The following GRTP1 variants were observed in gnomAD, a reference collection of about 807,000 sequenced individuals.
GRTP1 encodes growth hormone-regulated TBC protein 1.
A neutral mutation model predicts 38.1 loss-of-function variants in GRTP1; 56 were observed. That is an observed-to-expected ratio of 1.47 (90% confidence interval 1.19 to 1.84). GRTP1 has a LOEUF of 1.84. Among genes scored for constraint, GRTP1 ranks in the 40% most tolerant of loss-of-function variants. The pLI, the probability that GRTP1 is intolerant of heterozygous loss-of-function variation, is 0.00. For synonymous variants in GRTP1, 217 were observed against 189.5 expected (o/e 1.14, Z -1.19); for missense variants, 506 against 453.9 (o/e 1.11, Z -1.04).
At chr13:113,355,553 C>A in intron 2 of GRTP1, 72 bp from the exon 3 acceptor site, 1 of 1,459,974 alleles carries the variant, frequency 6.8e-7, no homozygotes, top group Non-Finnish European at 9.1e-7. Flanking sequence ...TCCTGCCACA[C>A]TTTCCACTCT....
chr13:113,337,639 C>T (rs2042971787), intron 5 of GRTP1, among the ~76,000 whole-genome samples: 1 of 152,252 alleles, frequency 6.6e-6, no homozygotes, highest in African/African-American at 2.4e-5. Flanking sequence ...CTGAGGCCCA[C>T]AGGTCTGGTG....
intron 3 of GRTP1, 99 bp downstream of exon 3, chr13:113,355,224 G>T: frequency 1.7e-6 from 2 of 1,204,008 alleles, no homozygotes; most frequent in Non-Finnish European, 2.3e-6. Flanking sequence ...AGCAGCAGGC[G>T]CACCGCTCAC....
intron 5 of GRTP1, 74 bp downstream of exon 5, chr13:113,344,789 A>T (rs2043075381): frequency 8.2e-6 from 10 of 1,224,262 alleles, no homozygotes; most frequent in East Asian, 3.7e-5. Flanking sequence ...TTAAATTTTG[A>T]TTTCTCAGCG....
chr13:113,330,215 A>G (rs112747078), intron 5 of GRTP1, among the ~76,000 whole-genome samples: 4,158 of 123,322 alleles, frequency 0.034, 277 homozygotes, highest in African/African-American at 0.12. Flanking sequence ...ATGGGAGCCC[A>G]GGTGCGTGGA....
intron 5 of GRTP1, among the ~76,000 whole-genome samples, chr13:113,331,605 T>C (rs1249868450): frequency 1.3e-5 from 2 of 151,738 alleles, no homozygotes; most frequent in Non-Finnish European, 2.9e-5. Flanking sequence ...GCAGCTCAGG[T>C]TACAGCAAGG....
At chr13:113,357,127 T>C (rs1457495319) in intron 2 of GRTP1, among the ~76,000 whole-genome samples, 2 of 151,408 alleles carry the variant, frequency 1.3e-5, no homozygotes, top group African/African-American at 2.4e-5. Context: ...CTGGCCAACA[T>C]GGTGAAACCC....
intron 5 of GRTP1, among the ~76,000 whole-genome samples, chr13:113,331,683 TCTCA>T (rs768560142): frequency 3.7e-5 from 5 of 135,364 alleles, no homozygotes; most frequent in African/African-American, 5.8e-5. Context: ...TTAGACAGAG[TCTCA>T]CTCTGTCACC....
At chr13:113,333,045 G>A (rs1208573355) in intron 5 of GRTP1, among the ~76,000 whole-genome samples, 2 of 152,322 alleles carry the variant, frequency 1.3e-5, no homozygotes, top group South Asian at 2.1e-4. Context: ...CATTTATCCC[G>A]CCTCTTCTAA....
chr13:113,330,570 G>A (rs1482772194), intron 5 of GRTP1, among the ~76,000 whole-genome samples: 14 of 88,538 alleles, frequency 1.6e-4, no homozygotes, highest in Admixed American at 3.3e-4. Flanking sequence ...GTGCATGGGA[G>A]CCCAGGTGTG....
intron 3 of GRTP1, 176 bp from the exon 4 acceptor site, chr13:113,351,149 G>A: frequency 3.3e-6 from 1 of 301,130 alleles, no homozygotes; most frequent in Non-Finnish European, 4.9e-6. Context: ...GGCCAGGAAG[G>A]AGGGGGTGAT....
intron 5 of GRTP1, among the ~76,000 whole-genome samples, chr13:113,334,799 A>C (rs1489216815): frequency 6.6e-6 from 1 of 152,050 alleles, no homozygotes; most frequent in African/African-American, 2.4e-5. Context: ...TTTCCTCTTT[A>C]ACTTCTGTAA....
chr13:113,360,684 T>G (rs2043479170), intron 2 of GRTP1, among the ~76,000 whole-genome samples: 1 of 152,206 alleles, frequency 6.6e-6, no homozygotes, highest in Admixed American at 6.5e-5. Flanking sequence ...CCCTACTCCC[T>G]GCAGAACAGG....
intron 5 of GRTP1, among the ~76,000 whole-genome samples, chr13:113,334,972 G>A (rs953049167): frequency 1.6e-4 from 25 of 151,910 alleles, no homozygotes; most frequent in African/African-American, 3.9e-4. Flanking sequence ...ACAGGTGCCC[G>A]CCACCACGCC....
chr13:113,330,511 C>A (rs1419465881), intron 5 of GRTP1, among the ~76,000 whole-genome samples: 28 of 122,956 alleles, frequency 2.3e-4, no homozygotes, highest in South Asian at 5.6e-4. Context: ...TGCATGGGAG[C>A]CCAGGTGTGT....
At chr13:113,340,452 C>G (rs1054255153) in intron 5 of GRTP1, among the ~76,000 whole-genome samples, 3 of 151,998 alleles carry the variant, frequency 2.0e-5, no homozygotes, top group African/African-American at 7.2e-5. Context: ...GCACTCCAGC[C>G]TGGGTGACAG....
intron 5 of GRTP1, among the ~76,000 whole-genome samples, chr13:113,336,435 G>A (rs1450389919): frequency 2.0e-5 from 3 of 151,946 alleles, no homozygotes; most frequent in Non-Finnish European, 4.4e-5. Context: ...TGCCCTCGGT[G>A]TGCCGAGCAC....
chr13:113,345,332 T>C (rs1251349865), intron 4 of GRTP1, among the ~76,000 whole-genome samples: 1 of 152,246 alleles, frequency 6.6e-6, no homozygotes, highest in Non-Finnish European at 1.5e-5. Context: ...ATTATACCAA[T>C]GACCACATTT....
rs116093984 is a variant in GRTP1, at chr13:113,348,322, G to A, written c.465+2527C>T. Among the ~76,000 whole-genome samples, 12 of 152,094 alleles carry A rather than the reference G, an allele frequency of 7.9e-5. No individual in the cohort carries two copies. The highest frequency in any genetic ancestry group is 2.6e-4 in the Admixed American group (4 of 15,272). The stretch of plus-strand genomic sequence containing the variant: ...ACAAAAATTACTCGAGCGTGGTGGC[G>A]CACCTGTGGTCCCAGCTACTCAGGA... On this transcript the variant is annotated intron_variant, in intron 4 of 7. Transcript: ENST00000375431. The surrounding 1 kb of genome is among the most constrained non-coding windows in gnomAD (Gnocchi z 4.8).
At chr13:113,328,279 G>A (rs1397388602) in intron 5 of GRTP1, among the ~76,000 whole-genome samples, 4 of 152,206 alleles carry the variant, frequency 2.6e-5, no homozygotes, top group African/African-American at 9.6e-5. Flanking sequence ...CAGGACGGGG[G>A]CACAGCTCTG....
Sources: gnomAD v4.1 joint callset for allele counts (sites outside exome capture counted in the v4.1 genomes callset) on GRCh38, gnomAD v4.1.1 for gene constraint, Gnocchi (gnomAD v3.1) non-coding constraint, MANE v1.5 for transcripts, NCBI Gene and HGNC (gene_info 2026-07-23, HGNC 2026-07-21) for gene names.